Variants in SLC24A2 observed in about 807,000 individuals in gnomAD.
SLC24A2 encodes solute carrier family 24 member 2, also known as sodium/potassium/calcium exchanger 2.
In SLC24A2, 36 loss-of-function variants were observed where a neutral mutation model predicts 62.0. The ratio of observed to expected loss-of-function variants is 0.58; its 90% confidence interval spans 0.44 to 0.77. SLC24A2 has a LOEUF of 0.77. SLC24A2 is among the 30% of genes least tolerant of loss of function. The probability of loss-of-function intolerance (pLI) is 0.00; values close to 1 mark genes in which losing one functional copy is unlikely to be tolerated. For missense variants in SLC24A2, 846 were observed against 817.9 expected, an observed-to-expected ratio of 1.03 and a Z score of -0.42; for synonymous variants, 358 against 294.0, an observed-to-expected ratio of 1.22 and a Z score of -2.23.
chr9:19,898,602 C>T, the SLC24A2 span, among the ~76,000 whole-genome samples: 3 of 151,810 alleles, frequency 2.0e-5, no homozygotes, highest in East Asian at 1.9e-4. Context: ...ATTAGCTGGG[C>T]GTGGTGGCGG....
intron 2 of SLC24A2, among the ~76,000 whole-genome samples, chr9:19,782,024 C>G (rs1454306848): frequency 6.6e-6 from 1 of 152,198 alleles, no homozygotes; most frequent in Non-Finnish European, 1.5e-5. Flanking sequence ...GCAAAGCACA[C>G]CTAAATTACT....
the SLC24A2 span, among the ~76,000 whole-genome samples, chr9:20,045,967 G>A: frequency 6.6e-6 from 1 of 152,166 alleles, no homozygotes; most frequent in African/African-American, 2.4e-5. Flanking sequence ...CTAGTGCAAA[G>A]GACCTGTGCC....
the SLC24A2 span, among the ~76,000 whole-genome samples, chr9:19,868,111 T>A: frequency 2.0e-5 from 3 of 151,970 alleles, no homozygotes; most frequent in Non-Finnish European, 4.4e-5. Flanking sequence ...CTTTCTGACA[T>A]AGGTGCTTAA....
the SLC24A2 span, among the ~76,000 whole-genome samples, chr9:20,018,038 C>T: frequency 6.6e-6 from 1 of 152,186 alleles, no homozygotes; most frequent in Non-Finnish European, 1.5e-5. Context: ...ACTCCACCTC[C>T]CGGGTTCATG....
the SLC24A2 span, among the ~76,000 whole-genome samples, chr9:19,861,972 T>C: frequency 2.0e-5 from 3 of 151,992 alleles, no homozygotes; most frequent in Non-Finnish European, 4.4e-5. Flanking sequence ...AAAGGGCAAA[T>C]TGAAGAGTTA....
chr9:19,543,651 A>G (rs1265222424), intron 8 of SLC24A2, among the ~76,000 whole-genome samples: 2 of 152,154 alleles, frequency 1.3e-5, no homozygotes, highest in African/African-American at 2.4e-5. Context: ...ATTGGTTTCA[A>G]AGAACATCTT....
In SLC24A2 at chr9:19,513,772, T is replaced by C. The variant is rs1266847520; in HGVS notation, c.*2381A>G. ...TCAAACAACGCACCAGTCAATAATA[T>C]AAAATTCACACAATAACCAACTTGG... On this transcript the variant is annotated 3_prime_UTR_variant, in exon 11 of 11. Transcript: ENST00000341998. 3 of 152,136 alleles carry C rather than the reference T, an allele frequency of 2.0e-5. No homozygotes were observed. Among genetic ancestry groups the C allele is most frequent in the East Asian group, 3.9e-4 (2 of 5,192 alleles). The allele number at this position is 152,136 out of a possible 1,614,324, so 9.4% of individuals were successfully genotyped here. A position where few individuals can be genotyped will look rare whatever the true frequency, so the allele number is the denominator to read the frequency against.
intron 2 of SLC24A2, among the ~76,000 whole-genome samples, chr9:19,685,979 G>C (rs12379155): frequency 0.39 from 59,880 of 151,926 alleles, 14,284 homozygotes; most frequent in East Asian, 0.75. Flanking sequence ...AGAGTAAACA[G>C]ACAACCTACA....
At chr9:20,150,948 G>C in the SLC24A2 span, among the ~76,000 whole-genome samples, 1,354 of 151,790 alleles carry the variant, frequency 8.9e-3, 13 homozygotes, top group Admixed American at 0.01. Flanking sequence ...TTTCTACAGG[G>C]AATATGTATT....
At chr9:20,091,249 G>T in the SLC24A2 span, among the ~76,000 whole-genome samples, 3 of 151,722 alleles carry the variant, frequency 2.0e-5, no homozygotes, top group Non-Finnish European at 4.4e-5. Context: ...TGCTGAAAGG[G>T]ATGATAAGAA....
intron 7 of SLC24A2, among the ~76,000 whole-genome samples, chr9:19,555,823 T>G (rs1425256132): frequency 6.6e-6 from 1 of 152,096 alleles, no homozygotes; most frequent in African/African-American, 2.4e-5. Flanking sequence ...CAGGTGCCTG[T>G]AATCCCAGCT....
chr9:20,038,635 A>AC, the SLC24A2 span, among the ~76,000 whole-genome samples: 1 of 151,872 alleles, frequency 6.6e-6, no homozygotes, highest in African/African-American at 2.4e-5. Flanking sequence ...AAACAAACAA[A>AC]AAAAAAAAAA....
chr9:20,282,494 T>A, the SLC24A2 span, among the ~76,000 whole-genome samples: 130 of 152,274 alleles, frequency 8.5e-4, 1 homozygote, highest in African/African-American at 2.9e-3. Context: ...AGTTGAGGAA[T>A]CTGAAATCCA....
chr9:19,928,992 G>T, the SLC24A2 span: 1 of 152,168 alleles, frequency 6.6e-6, no homozygotes, highest in Non-Finnish European at 1.5e-5. Context: ...GCTGACTGAG[G>T]TGTTCTTGCA....
rs1819881830 is a variant in SLC24A2 at position 19,686,409 on chromosome 9, A to G, written c.931-64110T>C. Among the ~76,000 whole-genome samples, 12 of 152,260 alleles carry G rather than the reference A, an allele frequency of 7.9e-5. No homozygotes were observed. The South Asian group carries it at 2.3e-3, about 29-fold the overall frequency. ...TGACCCAGCAATTCCAATACTGGCT[A>G]TATACCTAAAGTAATATAAATCATT... On this transcript the variant is annotated intron_variant, in intron 2 of 10. Coordinates refer to ENST00000341998, the MANE Select transcript of SLC24A2 (RefSeq NM_020344.4).
At chr9:19,721,715 G>A (rs189545245) in intron 2 of SLC24A2, among the ~76,000 whole-genome samples, 2 of 152,210 alleles carry the variant, frequency 1.3e-5, no homozygotes, top group African/African-American at 4.8e-5. Context: ...TAATGAAACA[G>A]TTCTATGGTC....
At chr9:19,559,129 C>G (rs956429368) in intron 7 of SLC24A2, among the ~76,000 whole-genome samples, 1 of 152,140 alleles carries the variant, frequency 6.6e-6, no homozygotes, top group African/African-American at 2.4e-5. Flanking sequence ...CTCAAACATT[C>G]AAACAAATGT....
intron 8 of SLC24A2, among the ~76,000 whole-genome samples, chr9:19,538,408 C>T (rs1308594655): frequency 3.8e-5 from 4 of 103,946 alleles, no homozygotes; most frequent in Non-Finnish European, 7.4e-5. Flanking sequence ...GAGTTTTTAG[C>T]ATGAAGGGTT....
At chr9:19,837,321 G>A in the SLC24A2 span, among the ~76,000 whole-genome samples, 42 of 150,726 alleles carry the variant, frequency 2.8e-4, no homozygotes, top group East Asian at 1.2e-3. Flanking sequence ...GTGCGGTGGC[G>A]GGCGCCTGTA....
Sources: gnomAD v4.1 joint callset for allele counts (sites outside exome capture counted in the v4.1 genomes callset) on GRCh38, gnomAD v4.1.1 for gene constraint, MANE v1.5 for transcripts, NCBI Gene and HGNC (gene_info 2026-07-23, HGNC 2026-07-21) for gene names.